GRM1: variants seen among roughly 807,000 people sequenced by gnomAD.
GRM1 encodes metabotropic glutamate receptor 1.
Under a neutral mutation model 90.9 loss-of-function variants are expected in GRM1, and 33 were observed. That is an observed-to-expected ratio of 0.36 (90% CI 0.28 to 0.49). The LOEUF (loss-of-function observed/expected upper bound fraction) is 0.49. Ranked by LOEUF, GRM1 falls within the 20% of genes least tolerant of loss-of-function variation. GRM1 has a pLI of 0.99. For missense variants in GRM1, 1,190 were observed against 1,534.3 expected, an observed-to-expected ratio of 0.78 and a Z score of 3.75; for synonymous variants, 700 against 613.2, an observed-to-expected ratio of 1.14 and a Z score of -2.09.
At chr6:146,257,058 T>G (rs1166132269) in intron 2 of GRM1, among the ~76,000 whole-genome samples, 14 of 152,308 alleles carry the variant, frequency 9.2e-5, no homozygotes, top group Non-Finnish European at 4.4e-5. Flanking sequence ...TCCTTCTTTA[T>G]TTTTTGAAAT....
chr6:146,297,567 A>T (rs1049098007), intron 2 of GRM1, among the ~76,000 whole-genome samples: 5 of 152,200 alleles, frequency 3.3e-5, no homozygotes, highest in Non-Finnish European at 4.4e-5. Context: ...TATTGACCCC[A>T]AACTGATGAG....
At chr6:146,223,748 A>C (rs2114683293) in intron 2 of GRM1, among the ~76,000 whole-genome samples, 1 of 152,232 alleles carries the variant, frequency 6.6e-6, no homozygotes, top group South Asian at 2.1e-4. Context: ...TGCTATAGTA[A>C]AAGAAATCTA....
chr6:146,271,269 G>A (rs186630640), intron 2 of GRM1, among the ~76,000 whole-genome samples: 1 of 152,144 alleles, frequency 6.6e-6, no homozygotes, highest in Non-Finnish European at 1.5e-5. Context: ...CTCCCAAAGT[G>A]CTGGGATTAC....
In GRM1 at chr6:146,367,465, A is replaced by T. The variant is rs932554431; in HGVS notation, c.1602+9771A>T. Among the ~76,000 whole-genome samples, 8 of 151,784 alleles carry T rather than the reference A, an allele frequency of 5.3e-5. 1 individual carries two copies. The highest frequency in any genetic ancestry group is 1.2e-4 in the Non-Finnish European group (8 of 67,922). On this transcript the variant is annotated intron_variant, in intron 5 of 7. Coordinates refer to ENST00000282753, the MANE Select transcript of GRM1 (RefSeq NM_001278064.2). ...TTTATTTTAGCTTCCCAGAGGGTAC[A>T]GTTTTTTACATGGATAAATTGCATG...
At chr6:146,193,624 C>A (rs991266467) in intron 2 of GRM1, among the ~76,000 whole-genome samples, 1 of 152,116 alleles carries the variant, frequency 6.6e-6, no homozygotes, top group African/African-American at 2.4e-5. Flanking sequence ...GTGTGAGATA[C>A]ATATTTTGTG....
intron 2 of GRM1, among the ~76,000 whole-genome samples, chr6:146,163,502 A>G (rs1461835241): frequency 1.3e-5 from 2 of 152,202 alleles, no homozygotes; most frequent in African/African-American, 2.4e-5. Context: ...CTTTCAATGT[A>G]CGGAGTACAG....
chr6:146,312,349 CAAAAAAAAAAAAAAAAA>C (rs1166008558), intron 3 of GRM1, among the ~76,000 whole-genome samples: 10 of 21,338 alleles, frequency 4.7e-4, no homozygotes, highest in Non-Finnish European at 7.4e-4. Flanking sequence ...AACTCCGTCT[CAAAAAAAAAAAAAAAAA>C]AAAAAAAAAA....
intron 1 of GRM1, among the ~76,000 whole-genome samples, chr6:146,049,755 T>TTATTAA (rs760218999): frequency 1.3e-5 from 2 of 152,040 alleles, no homozygotes; most frequent in East Asian, 1.9e-4. Flanking sequence ...AAAATTATTA[T>TTATTAA]TATTAAAAAA....
chr6:146,372,774 G>A (rs1167373348), intron 5 of GRM1, among the ~76,000 whole-genome samples: 1 of 152,026 alleles, frequency 6.6e-6, no homozygotes, highest in Admixed American at 6.6e-5. Flanking sequence ...TACTGCAGGT[G>A]TGTGGATTTG....
At position 146,364,988 on chromosome 6, in the gene GRM1, T is replaced by C. The variant is rs538419440; in HGVS notation, c.1602+7294T>C. 11 of 152,264 alleles carry C rather than the reference T, an allele frequency of 7.2e-5. No homozygotes were observed. In the East Asian group the frequency reaches 2.1e-3, roughly 29 times the overall value. 9.4% of individuals were successfully genotyped at this position (152,264 alleles called of 1,614,324 possible). ...CAAAACAAACTAACCATCTAAATCA[T>C]ATAGTTAATGTAACCATTTTGGCAT... On this transcript the variant is annotated intron_variant, in intron 5 of 7. Transcript: ENST00000282753.
chr6:146,409,819 A>G (rs891172103), intron 7 of GRM1, among the ~76,000 whole-genome samples: 4 of 152,212 alleles, frequency 2.6e-5, no homozygotes, highest in Non-Finnish European at 5.9e-5. Flanking sequence ...GCCTCTATGC[A>G]AATTATCTGT....
At chr6:146,257,656 C>A (rs1781535890) in intron 2 of GRM1, among the ~76,000 whole-genome samples, 1 of 152,030 alleles carries the variant, frequency 6.6e-6, no homozygotes, top group Non-Finnish European at 1.5e-5. Flanking sequence ...CCCAAGAAAG[C>A]TGGCAGTATA....
At chr6:146,220,062 AT>A (rs1181583718) in intron 2 of GRM1, among the ~76,000 whole-genome samples, 2 of 152,118 alleles carry the variant, frequency 1.3e-5, no homozygotes, top group Non-Finnish European at 2.9e-5. Context: ...GATATGTAGA[AT>A]TACATGTGTG....
intron 6 of GRM1, among the ~76,000 whole-genome samples, chr6:146,388,510 A>G (rs528615104): frequency 6.6e-6 from 1 of 152,130 alleles, no homozygotes; most frequent in Non-Finnish European, 1.5e-5. Context: ...AATACCTTGT[A>G]AAATGTTAAT....
intron 7 of GRM1, among the ~76,000 whole-genome samples, chr6:146,429,070 A>G (rs1045695708): frequency 6.6e-6 from 1 of 152,114 alleles, no homozygotes. Context: ...AGGATGTAGG[A>G]TGTAATTGAT....
intron 1 of GRM1, among the ~76,000 whole-genome samples, chr6:146,111,226 T>C (rs1227156714): frequency 6.6e-6 from 1 of 152,208 alleles, no homozygotes; most frequent in Non-Finnish European, 1.5e-5. Flanking sequence ...GGAGATAAGA[T>C]TTTATGGGGA....
chr6:146,195,078 T>C (rs1222127068), intron 2 of GRM1, among the ~76,000 whole-genome samples: 3 of 152,184 alleles, frequency 2.0e-5, no homozygotes, highest in Non-Finnish European at 4.4e-5. Flanking sequence ...CCACTCTATT[T>C]CCATTCCAGT....
intron 2 of GRM1, among the ~76,000 whole-genome samples, chr6:146,176,523 T>C (rs1007598595): frequency 6.6e-6 from 1 of 152,076 alleles, no homozygotes; most frequent in Non-Finnish European, 1.5e-5. Flanking sequence ...GGTTTTAGTG[T>C]GTTGACTTGT....
At chr6:146,142,482 G>T (rs1443292984) in intron 1 of GRM1, among the ~76,000 whole-genome samples, 1 of 152,136 alleles carries the variant, frequency 6.6e-6, no homozygotes, top group African/African-American at 2.4e-5. Flanking sequence ...TCCCTTCAGG[G>T]TGATGAGTTC....
Sources: allele counts gnomAD v4.1 joint callset (sites outside exome capture counted in the v4.1 genomes callset), GRCh38; gene constraint gnomAD v4.1.1; transcripts MANE v1.5; gene names NCBI Gene and HGNC (gene_info 2026-07-23, HGNC 2026-07-21).